SMAD3: variants seen among roughly 807,000 people sequenced by gnomAD.
SMAD3 encodes MAD homolog 3.
In SMAD3, 12 loss-of-function variants were observed where a neutral mutation model predicts 51.8. The ratio of observed to expected loss-of-function variants is 0.23; its 90% CI spans 0.15 to 0.38. The LOEUF (loss-of-function observed/expected upper bound fraction) is 0.38. SMAD3 is among the 10% of genes least tolerant of loss of function. The pLI, the probability that SMAD3 is intolerant of heterozygous loss-of-function variation, is 1.00. For missense variants in SMAD3, 294 were observed against 565.6 expected, an observed-to-expected ratio of 0.52 and a Z score of 4.87; for synonymous variants, 238 against 227.7, an observed-to-expected ratio of 1.05 and a Z score of -0.41.
chr15:67,194,352 AATG>A lies in SMAD3; in HGVS notation c.*3824_*3826del, dbSNP rs747987943. ...CGTACGCAAGAGGACATGGATCCAA[AATG>A]ATGATGAAGCATCTCCCATGGGGAG... On this transcript the variant is annotated 3_prime_UTR_variant, in exon 9 of 9. Coordinates refer to ENST00000327367, the MANE Select transcript of SMAD3 (RefSeq NM_005902.4). 5.1e-4 allele frequency: 120 copies of A among 233,118 alleles called. No individual in the cohort carries two copies. The highest frequency in any genetic ancestry group is 6.2e-4 in the Admixed American group (11 of 17,788). 14.4% of individuals were successfully genotyped at this position (233,118 alleles called of 1,614,324 possible). A position where few individuals can be genotyped will look rare whatever the true frequency, so the allele number is the denominator to read the frequency against.
chr15:67,178,834 G>A (rs994783290), intron 5 of SMAD3, among the ~76,000 whole-genome samples: 24 of 152,192 alleles, frequency 1.6e-4, no homozygotes, highest in Admixed American at 7.2e-4. Context: ...GGCACAAGCC[G>A]CAGCTGCTCC....
intron 1 of SMAD3, chr15:67,138,141 A>G: frequency 6.9e-7 from 1 of 1,455,786 alleles, no homozygotes; most frequent in Non-Finnish European, 9.4e-7. Flanking sequence ...CTCTTTCTTG[A>G]ACTCGTCTCC....
At chr15:67,122,653 C>A (rs1006904046) in intron 1 of SMAD3, among the ~76,000 whole-genome samples, 1 of 152,148 alleles carries the variant, frequency 6.6e-6, no homozygotes, top group Non-Finnish European at 1.5e-5. Flanking sequence ...ACTTACCTGA[C>A]TTTCTTAGGA....
intron 1 of SMAD3, among the ~76,000 whole-genome samples, chr15:67,158,301 T>C (rs1962337886): frequency 6.6e-6 from 1 of 152,198 alleles, no homozygotes; most frequent in South Asian, 2.1e-4. Context: ...TAAGGATTGC[T>C]ACATATTTTG....
chr15:67,084,395 A>T (rs1251148185), intron 1 of SMAD3, among the ~76,000 whole-genome samples: 1 of 151,946 alleles, frequency 6.6e-6, no homozygotes, highest in East Asian at 1.9e-4. Context: ...TCAGATTTTC[A>T]TGATAGCCCT....
intron 1 of SMAD3, among the ~76,000 whole-genome samples, chr15:67,076,803 C>G (rs929948512): frequency 6.6e-6 from 1 of 152,208 alleles, no homozygotes; most frequent in Admixed American, 6.5e-5. Context: ...CCAAGTCCTG[C>G]GTGGGCCTCT....
At chr15:67,097,678 CA>C (rs1217205051) in intron 1 of SMAD3, among the ~76,000 whole-genome samples, 2 of 152,130 alleles carry the variant, frequency 1.3e-5, no homozygotes, top group South Asian at 4.2e-4. Context: ...GAAATGAGAG[CA>C]GGGGGAGGAG....
chr15:67,184,854 G>A lies in SMAD3; in HGVS notation c.999G>A (p.Lys333=), dbSNP rs781081744. 1.7e-5 allele frequency: 27 copies of A among 1,612,984 alleles called. No individual in the cohort carries two copies. In the South Asian group the frequency reaches 2.7e-4, roughly 16 times the overall value. ...RYGWHPATVC[K]IPPGCNLKIF... The stretch of plus-strand genomic sequence containing the variant: ...GCTGGCACCCGGCCACCGTCTGCAA[G>A]ATCCCACCAGGTAAACGAGCCGCAC... The change falls in exon 7 of 9, where the codon AAG becomes AAA. Residue 333 remains lysine (K), a synonymous_variant. Transcript: ENST00000327367.
chr15:67,097,513 G>A (rs969130994), intron 1 of SMAD3, among the ~76,000 whole-genome samples: 5 of 152,088 alleles, frequency 3.3e-5, no homozygotes, highest in Non-Finnish European at 5.9e-5. Flanking sequence ...CCAAAGTGCC[G>A]GGATTACAGG....
At chr15:67,157,873 A>G (rs1962326203) in intron 1 of SMAD3, among the ~76,000 whole-genome samples, 1 of 152,184 alleles carries the variant, frequency 6.6e-6, no homozygotes, top group East Asian at 1.9e-4. Context: ...GCCACAGGAA[A>G]TTGTTCTGCT....
At chr15:67,165,696 G>C (rs1388427616) in intron 3 of SMAD3, among the ~76,000 whole-genome samples, 1 of 152,242 alleles carries the variant, frequency 6.6e-6, no homozygotes. Context: ...CGCCCTTGAG[G>C]CCCGGACTGG....
At chr15:67,105,258 C>T (rs907746830) in intron 1 of SMAD3, among the ~76,000 whole-genome samples, 2 of 152,200 alleles carry the variant, frequency 1.3e-5, no homozygotes, top group Non-Finnish European at 2.9e-5. Flanking sequence ...CCCTCTGTGT[C>T]CTTCCTCTGC....
rs2140329232 is a variant in SMAD3, at chr15:67,191,146, T to C, written c.*610T>C. ...TCTGTCTCCCTCCCCTCTCAGAACATACTGATTGGGAGGTGCGTGTTCAGC... is the reference window on the plus strand; with the variant it reads ...TCTGTCTCCCTCCCCTCTCAGAACACACTGATTGGGAGGTGCGTGTTCAGC... On this transcript the variant is annotated 3_prime_UTR_variant, in exon 9 of 9. Transcript: ENST00000327367. 1 of 201,998 alleles carries C rather than the reference T, an allele frequency of 5.0e-6. No individual in the cohort carries two copies. The highest frequency in any genetic ancestry group is 1.7e-3 in the Middle Eastern group (1 of 602). 12.5% of individuals were successfully genotyped at this position (201,998 alleles called of 1,614,324 possible). A position where few individuals can be genotyped will look rare whatever the true frequency, so the allele number is the denominator to read the frequency against.
At chr15:67,172,300 G>A (rs923365278) in intron 5 of SMAD3, among the ~76,000 whole-genome samples, 3 of 152,270 alleles carry the variant, frequency 2.0e-5, no homozygotes, top group Non-Finnish European at 2.9e-5. Flanking sequence ...CTGGCCAGCA[G>A]AGAATGAGTG....
At chr15:67,131,278 T>C (rs2140252995) in intron 1 of SMAD3, among the ~76,000 whole-genome samples, 1 of 152,286 alleles carries the variant, frequency 6.6e-6, no homozygotes, top group Middle Eastern at 3.4e-3. Flanking sequence ...TTGCCACAGG[T>C]CACATAGTAC....
intron 1 of SMAD3, among the ~76,000 whole-genome samples, chr15:67,088,772 C>A (rs528161954): frequency 8.5e-5 from 13 of 152,200 alleles, no homozygotes; most frequent in African/African-American, 2.6e-4. Flanking sequence ...ACTAAAAATA[C>A]AAAAATGAGC....
chr15:67,095,153 C>T (rs1960589648), intron 1 of SMAD3, among the ~76,000 whole-genome samples: 1 of 152,170 alleles, frequency 6.6e-6, no homozygotes, highest in South Asian at 2.1e-4. Flanking sequence ...GCTGCGTGCT[C>T]ACCTCCCCTG....
At chr15:67,103,000 G>C (rs2140226269) in intron 1 of SMAD3, among the ~76,000 whole-genome samples, 2 of 152,274 alleles carry the variant, frequency 1.3e-5, no homozygotes, top group Middle Eastern at 3.4e-3. Flanking sequence ...AGTCTTAACT[G>C]TCTATGAATG....
chr15:67,103,821 C>G (rs1960816586), intron 1 of SMAD3, among the ~76,000 whole-genome samples: 1 of 152,186 alleles, frequency 6.6e-6, no homozygotes, highest in African/African-American at 2.4e-5. Flanking sequence ...CCGTGAGTGA[C>G]CACCCTGGAC....
Sources: gnomAD v4.1 joint callset for allele counts (sites outside exome capture counted in the v4.1 genomes callset) on GRCh38, gnomAD v4.1.1 for gene constraint, MANE v1.5 for transcripts, NCBI Gene and HGNC (gene_info 2026-07-23, HGNC 2026-07-21) for gene names.